Variants in CSMD1 observed in about 807,000 individuals in gnomAD.
CSMD1 encodes the protein CUB and sushi domain-containing protein 1.
In CSMD1, 213 loss-of-function variants were observed where a neutral mutation model predicts 417.5. That is an observed-to-expected ratio of 0.51 (90% CI 0.46 to 0.57). The LOEUF (loss-of-function observed/expected upper bound fraction) is 0.57. Ranked by LOEUF, CSMD1 falls within the 20% of genes least tolerant of loss-of-function variation. The pLI, the probability that CSMD1 is intolerant of heterozygous loss-of-function variation, is 0.00. For missense variants in CSMD1, 6,923 were observed against 4,529.7 expected, an observed-to-expected ratio of 1.53 and a Z score of -15.17; for synonymous variants, 2,862 against 1,736.8, an observed-to-expected ratio of 1.65 and a Z score of -16.11.
At chr8:4,858,514 C>T (rs529448823) in intron 1 of CSMD1, among the ~76,000 whole-genome samples, 2 of 152,078 alleles carry the variant, frequency 1.3e-5, no homozygotes, top group African/African-American at 4.8e-5. Flanking sequence ...ATCCAGAAAA[C>T]CCCAATGTCT....
chr8:4,419,477 T>G (rs928129210), intron 3 of CSMD1, among the ~76,000 whole-genome samples: 2 of 152,174 alleles, frequency 1.3e-5, no homozygotes, highest in Admixed American at 1.3e-4. Flanking sequence ...TAAGTCTCTA[T>G]GCCTTGCATG....
intron 2 of CSMD1, among the ~76,000 whole-genome samples, chr8:4,621,937 A>T (rs901953839): frequency 5.3e-5 from 8 of 152,110 alleles, no homozygotes; most frequent in Admixed American, 2.6e-4. Flanking sequence ...AAATACTACC[A>T]TTTTAATTGA....
intron 3 of CSMD1, among the ~76,000 whole-genome samples, chr8:4,259,872 A>C (rs1803747526): frequency 6.6e-6 from 1 of 152,204 alleles, no homozygotes; most frequent in Admixed American, 6.5e-5. Flanking sequence ...ATTGCAGCTT[A>C]AGTTAATTTA....
chr8:3,727,287 G>C (rs1802551083), intron 6 of CSMD1, among the ~76,000 whole-genome samples: 3 of 152,144 alleles, frequency 2.0e-5, no homozygotes, highest in East Asian at 1.9e-4. Flanking sequence ...ACATACCTTT[G>C]AGGCAGTCAG....
At chr8:3,710,937 G>A (rs749604210) in intron 6 of CSMD1, among the ~76,000 whole-genome samples, 1 of 152,180 alleles carries the variant, frequency 6.6e-6, no homozygotes, top group Non-Finnish European at 1.5e-5. Context: ...CCACCTGGAA[G>A]GAGGAGGGTG....
At chr8:4,598,899 AGAGTCAGTGAAGATC>A (rs1402330495) in intron 2 of CSMD1, among the ~76,000 whole-genome samples, 2 of 151,568 alleles carry the variant, frequency 1.3e-5, no homozygotes, top group African/African-American at 2.4e-5. Context: ...CTTTTTTCCT[AGAGTCAGTGAAGATC>A]TTCAAAAAAA....
intron 41 of CSMD1, among the ~76,000 whole-genome samples, chr8:3,131,549 G>A (rs934803651): frequency 6.8e-6 from 1 of 147,208 alleles, no homozygotes; most frequent in African/African-American, 2.5e-5. Context: ...TCTTCTCACT[G>A]CAACATCCAT....
intron 10 of CSMD1, among the ~76,000 whole-genome samples, chr8:3,571,805 G>C (rs1799954632): frequency 6.6e-6 from 1 of 152,124 alleles, no homozygotes; most frequent in Non-Finnish European, 1.5e-5. Flanking sequence ...CTCTGTTTCA[G>C]ACCTTATCAT....
intron 5 of CSMD1, among the ~76,000 whole-genome samples, chr8:3,822,579 T>C (rs1319567221): frequency 6.6e-6 from 1 of 152,152 alleles, no homozygotes; most frequent in Non-Finnish European, 1.5e-5. Context: ...CTTCATGGGT[T>C]TATTGGTAAC....
chr8:3,071,241 T>G (rs1392401742), intron 49 of CSMD1, among the ~76,000 whole-genome samples: 15 of 152,080 alleles, frequency 9.9e-5, no homozygotes, highest in Non-Finnish European at 1.3e-4. Flanking sequence ...CCAAAATATA[T>G]TAGTATGTAT....
chr8:3,712,312 T>TTC (rs1563299715), intron 6 of CSMD1, among the ~76,000 whole-genome samples: 1 of 151,106 alleles, frequency 6.6e-6, no homozygotes, highest in Non-Finnish European at 1.5e-5. Context: ...CACCCTTCCC[T>TTC]CGCCTCTTCC....
intron 26 of CSMD1, among the ~76,000 whole-genome samples, chr8:3,245,447 A>G (rs1345781301): frequency 6.6e-6 from 1 of 152,242 alleles, no homozygotes; most frequent in Admixed American, 6.5e-5. Flanking sequence ...TACAACTGGA[A>G]GTACTTTCTC....
At chr8:4,186,689 A>G (rs976392433) in intron 3 of CSMD1, among the ~76,000 whole-genome samples, 2 of 152,018 alleles carry the variant, frequency 1.3e-5, no homozygotes, top group African/African-American at 4.8e-5. Flanking sequence ...TTCTATTAAG[A>G]CTAAATATTT....
chr8:4,452,669 T>C (rs1475857936), intron 2 of CSMD1, among the ~76,000 whole-genome samples: 2 of 152,180 alleles, frequency 1.3e-5, no homozygotes, highest in African/African-American at 4.8e-5. Flanking sequence ...TTGCATATTT[T>C]CTCCAGAAAT....
At chr8:4,745,916 C>G (rs1810920344) in intron 1 of CSMD1, among the ~76,000 whole-genome samples, 1 of 152,212 alleles carries the variant, frequency 6.6e-6, no homozygotes, top group East Asian at 1.9e-4. Context: ...ATCAAGTCAG[C>G]TAACTTTTGA....
At chr8:4,732,287 G>C (rs1386781717) in intron 1 of CSMD1, among the ~76,000 whole-genome samples, 3 of 151,476 alleles carry the variant, frequency 2.0e-5, no homozygotes, top group African/African-American at 4.9e-5. Flanking sequence ...CTAGATTCTA[G>C]AAACCTTAAT....
intron 2 of CSMD1, among the ~76,000 whole-genome samples, chr8:4,492,932 C>T (rs1443104419): frequency 3.9e-5 from 6 of 152,190 alleles, no homozygotes; most frequent in Non-Finnish European, 8.8e-5. Context: ...CTGTCACAGG[C>T]AGTGAAAACT....
At chr8:3,791,077 T>A (rs1799712149) in intron 5 of CSMD1, among the ~76,000 whole-genome samples, 1 of 152,184 alleles carries the variant, frequency 6.6e-6, no homozygotes, top group Non-Finnish European at 1.5e-5. Context: ...TGGTGAGAAA[T>A]TAATTTCATA....
intron 1 of CSMD1, among the ~76,000 whole-genome samples, chr8:4,959,375 C>T (rs192906609): frequency 6.6e-6 from 1 of 152,314 alleles, no homozygotes; most frequent in African/African-American, 2.4e-5. Flanking sequence ...AATCCCCAAC[C>T]AGGCGCTCTC....
Sources: allele counts gnomAD v4.1 joint callset (sites outside exome capture counted in the v4.1 genomes callset), GRCh38; gene constraint gnomAD v4.1.1; transcripts MANE v1.5; gene names NCBI Gene and HGNC (gene_info 2026-07-23, HGNC 2026-07-21).